The following GLI3 variants were observed in gnomAD, a reference collection of about 807,000 sequenced individuals.
The protein encoded by GLI3 is transcription activator GLI3.
In GLI3, 20 loss-of-function variants were observed where a neutral mutation model predicts 100.8. The observed-to-expected ratio is 0.20, with a 90% confidence interval of 0.14 to 0.29. GLI3 has a LOEUF of 0.29. Ranked by LOEUF, GLI3 falls within the 10% of genes least tolerant of loss-of-function variation. The probability of loss-of-function intolerance (pLI) is 1.00; values close to 1 mark genes in which losing one functional copy is unlikely to be tolerated. For missense variants in GLI3, 2,040 were observed against 2,128.5 expected, an observed-to-expected ratio of 0.96 and a Z score of 0.82; for synonymous variants, 938 against 860.5, an observed-to-expected ratio of 1.09 and a Z score of -1.58.
intron 12 of GLI3, among the ~76,000 whole-genome samples, chr7:41,975,318 G>T (rs118044721): frequency 0.034 from 5,188 of 152,300 alleles, 104 homozygotes; most frequent in Non-Finnish European, 0.053. Flanking sequence ...AATAAATGAA[G>T]TTGCAAATAA....
rs749466789 is a variant in GLI3, at chr7:42,040,110, G to C, written c.956C>G (p.Thr319Arg). The C allele has an allele frequency of 1.9e-6, 3 of 1,613,952 alleles. No homozygotes were observed. The highest frequency in any genetic ancestry group is 2.5e-6 in the Non-Finnish European group (3 of 1,179,922). Residue 319 changes from threonine (T) to arginine (R), a missense_variant, in exon 7 of 15, where the codon ACG becomes AGG. This residue lies in a region of GLI3 where 603 missense variants were observed against 690.9 expected (regional missense o/e 0.87). Coordinates refer to ENST00000395925, the MANE Select transcript of GLI3 (RefSeq NM_000168.6). ...MIRTSPNSLV[T>R]ILNNSRSSSS... Reference sequence around the variant, plus strand: ...GCTGCTACGGGAATTATTGAGAATCGTGACCAAGGAGTTGGGAGACGTCCT... The same window carrying C: ...GCTGCTACGGGAATTATTGAGAATCCTGACCAAGGAGTTGGGAGACGTCCT...
intron 2 of GLI3, among the ~76,000 whole-genome samples, chr7:42,192,380 C>T (rs1787844522): frequency 6.6e-6 from 1 of 152,130 alleles, no homozygotes; most frequent in African/African-American, 2.4e-5. Flanking sequence ...CAGAGTTCTG[C>T]CTACACCTTT....
chr7:42,055,704 T>C (rs1421952255), intron 4 of GLI3, among the ~76,000 whole-genome samples: 1 of 152,224 alleles, frequency 6.6e-6, no homozygotes, highest in Non-Finnish European at 1.5e-5. Context: ...AATGGTTCCA[T>C]TTCCAATCCT....
intron 3 of GLI3, among the ~76,000 whole-genome samples, chr7:42,142,971 C>T (rs1786609298): frequency 6.7e-6 from 1 of 148,656 alleles, no homozygotes; most frequent in Non-Finnish European, 1.5e-5. Context: ...ATGTAAGTGG[C>T]TCACTGTTTC....
At chr7:42,195,248 T>C (rs1456702756) in intron 2 of GLI3, among the ~76,000 whole-genome samples, 1 of 152,206 alleles carries the variant, frequency 6.6e-6, no homozygotes, top group African/African-American at 2.4e-5. Flanking sequence ...TCTCCCATCC[T>C]TGAACACTGT....
intron 4 of GLI3, among the ~76,000 whole-genome samples, chr7:42,067,183 G>A (rs947641674): frequency 6.6e-6 from 1 of 152,154 alleles, no homozygotes; most frequent in East Asian, 1.9e-4. Flanking sequence ...CCCCTTCAGA[G>A]GTCTGATTGC....
At chr7:42,242,451 A>G (rs1291204020), upstream of GLI3, among the ~76,000 whole-genome samples, 1 of 152,218 alleles carries the variant, frequency 6.6e-6, no homozygotes, top group Admixed American at 6.5e-5. Flanking sequence ...AAAGGAGAGG[A>G]TGTGACATCA....
rs564749552 is a variant in GLI3, at chr7:42,178,608, T to C, written c.125-30140A>G. Among the ~76,000 whole-genome samples the C allele has an allele frequency of 4.5e-4, 69 of 152,310 alleles. 1 individual carries two copies. The Middle Eastern group carries it at 0.01, about 23-fold the overall frequency. ...CCCCTTCACTCATTCAGCAAACATG[T>C]ACTGAGCTCCTACTGTGTACTGGGG... On this transcript the variant is annotated intron_variant, in intron 2 of 14. Transcript: ENST00000395925.
chr7:42,212,101 C>A (rs746199856), intron 2 of GLI3, among the ~76,000 whole-genome samples: 3 of 152,224 alleles, frequency 2.0e-5, no homozygotes, highest in Non-Finnish European at 4.4e-5. Flanking sequence ...CTCTTTCTCT[C>A]TCCCTCTTGC....
chr7:42,167,357 C>T (rs1262480952), intron 2 of GLI3, among the ~76,000 whole-genome samples: 1 of 152,154 alleles, frequency 6.6e-6, no homozygotes, highest in Non-Finnish European at 1.5e-5. Context: ...CTGTTCCATG[C>T]TCAAGGGAGT....
chr7:42,252,837 A>G (rs1375980026), intron 1 of GLI3, among the ~76,000 whole-genome samples: 6 of 152,218 alleles, frequency 3.9e-5, no homozygotes, highest in Non-Finnish European at 8.8e-5. Context: ...AAGAGTTTTT[A>G]ATGTCCATCT....
At chr7:42,157,258 A>G (rs1469766064) in intron 2 of GLI3, among the ~76,000 whole-genome samples, 1 of 152,242 alleles carries the variant, frequency 6.6e-6, no homozygotes, top group African/African-American at 2.4e-5. Flanking sequence ...TGAGAAACCC[A>G]AATGAAAATA....
At chr7:42,054,435 C>T (rs2128744625) in intron 4 of GLI3, among the ~76,000 whole-genome samples, 1 of 152,286 alleles carries the variant, frequency 6.6e-6, no homozygotes, top group East Asian at 1.9e-4. Context: ...TCGCACATTG[C>T]TTGGGATACT....
intron 2 of GLI3, among the ~76,000 whole-genome samples, chr7:42,201,549 A>G (rs1788040375): frequency 6.6e-6 from 1 of 152,328 alleles, no homozygotes; most frequent in African/African-American, 2.4e-5. Flanking sequence ...ACTGTCATGC[A>G]AGGATGGGAA....
chr7:42,214,562 C>G (rs1416560485), intron 2 of GLI3, among the ~76,000 whole-genome samples: 1 of 146,036 alleles, frequency 6.8e-6, no homozygotes, highest in Non-Finnish European at 1.5e-5. Context: ...CTAAATTGCA[C>G]TAGGAATAAC....
intron 2 of GLI3, among the ~76,000 whole-genome samples, chr7:42,222,562 A>C (rs1468722301): frequency 6.6e-6 from 1 of 152,234 alleles, no homozygotes; most frequent in Non-Finnish European, 1.5e-5. Context: ...CAGAATACAG[A>C]AACAGTGGCT....
In GLI3 at chr7:41,967,761, T is replaced by A. The variant is rs1787228593; in HGVS notation, c.2266A>T (p.Thr756Ser). The change falls in exon 14 of 15, where the codon ACT becomes TCT. Residue 756 changes from threonine (T) to serine (S), a missense_variant. Thr to Ser is a moderately conservative substitution (Grantham distance 58, BLOSUM62 1). This residue lies in a region of GLI3 where 327 missense variants were observed against 338.7 expected (regional missense o/e 0.97). Coordinates refer to ENST00000395925, the MANE Select transcript of GLI3 (RefSeq NM_000168.6). ...ETPIMDSTIS[T>S]ATTALALQAR... is the part of the protein sequence containing the mutation. Reference sequence around the variant, plus strand: ...TGCAAAGCAAGGGCTGTGGTTGCAGTGGAAATGGTTGAGTCCATGATTGGG... The same window carrying A: ...TGCAAAGCAAGGGCTGTGGTTGCAGAGGAAATGGTTGAGTCCATGATTGGG... 1.2e-6 allele frequency: 2 copies of A among 1,614,140 alleles called. No homozygotes were observed. The highest frequency in any genetic ancestry group is 4.5e-5 in the East Asian group (2 of 44,880).
chr7:42,101,255 C>G (rs1785454450), intron 3 of GLI3, among the ~76,000 whole-genome samples: 1 of 152,146 alleles, frequency 6.6e-6, no homozygotes, highest in South Asian at 2.1e-4. Flanking sequence ...CTCTGATTTC[C>G]TTTGCAGAAT....
intron 2 of GLI3, among the ~76,000 whole-genome samples, chr7:42,180,295 T>C (rs1217617091): frequency 6.6e-6 from 1 of 152,144 alleles, no homozygotes; most frequent in African/African-American, 2.4e-5. Context: ...AACAGTGGCC[T>C]GGACAAGGCA....
Sources: gnomAD v4.1 joint callset for allele counts (sites outside exome capture counted in the v4.1 genomes callset) on GRCh38, gnomAD v4.1.1 for gene constraint, gnomAD v4.1.1 regional missense constraint, MANE v1.5 for transcripts, NCBI Gene and HGNC (gene_info 2026-07-23, HGNC 2026-07-21) for gene names.